The following CCDC148 variants were observed in gnomAD, a reference collection of about 807,000 sequenced individuals.
The protein encoded by CCDC148 is coiled-coil domain containing 148.
CCDC148 carries 89 observed loss-of-function variants against 85.7 expected under a neutral mutation model. The observed-to-expected ratio is 1.04, with a 90% CI of 0.87 to 1.24. The LOEUF (loss-of-function observed/expected upper bound fraction) is 1.24. Among genes scored for constraint, CCDC148 ranks in the 50% most tolerant of loss-of-function variants. The pLI is 0.00. For missense variants in CCDC148, 692 were observed against 671.7 expected (o/e 1.03, Z -0.33); for synonymous variants, 230 against 213.9 (o/e 1.08, Z -0.66).
chr2:158,431,858 A>T (rs1388234429), intron 1 of CCDC148, among the ~76,000 whole-genome samples: 4 of 152,164 alleles, frequency 2.6e-5, no homozygotes, highest in Admixed American at 2.6e-4. Context: ...GGATAGCTTG[A>T]ACCTGGGAGA....
intron 1 of CCDC148, among the ~76,000 whole-genome samples, chr2:158,410,981 T>A (rs1187354175): frequency 6.6e-6 from 1 of 151,454 alleles, no homozygotes; most frequent in Admixed American, 6.6e-5. Flanking sequence ...ATCATCTTGG[T>A]TTGCAATTTT....
At chr2:158,362,122 C>G (rs1683979080) in intron 1 of CCDC148, among the ~76,000 whole-genome samples, 2 of 151,816 alleles carry the variant, frequency 1.3e-5, no homozygotes. Flanking sequence ...ACAAGAAGAG[C>G]TAACTATCCT....
chr2:158,265,853 T>C (rs995802428), intron 9 of CCDC148, among the ~76,000 whole-genome samples: 1 of 152,132 alleles, frequency 6.6e-6, no homozygotes, highest in Non-Finnish European at 1.5e-5. Flanking sequence ...ATTAATGGCA[T>C]CACAGATCAC....
rs1415491226 is a variant in CCDC148 at position 158,315,419 on chromosome 2, C to CA, written c.765-1526dup. Among the ~76,000 whole-genome samples, 4 of 151,956 alleles carry CA rather than the reference C, an allele frequency of 2.6e-5. No homozygotes were observed. The East Asian group carries it at 7.7e-4, about 29-fold the overall frequency. On this transcript the variant is annotated intron_variant, in intron 7 of 13. Coordinates refer to ENST00000283233, the MANE Select transcript of CCDC148 (RefSeq NM_138803.4). Reference sequence around the variant, plus strand: ...GCATTACCATACCACAAGCAACAAACAAAAAAATAGAACTAAAGTACATGT... The same window carrying CA: ...GCATTACCATACCACAAGCAACAAACAAAAAAAATAGAACTAAAGTACATGT...
intron 1 of CCDC148, among the ~76,000 whole-genome samples, chr2:158,448,204 CCTT>C (rs1439483988): frequency 6.6e-6 from 1 of 151,934 alleles, no homozygotes; most frequent in Non-Finnish European, 1.5e-5. Context: ...AATTTCTGTA[CCTT>C]CTATTTCATT....
At chr2:158,219,685 T>C (rs1035615991) in intron 11 of CCDC148, among the ~76,000 whole-genome samples, 2 of 152,198 alleles carry the variant, frequency 1.3e-5, no homozygotes, top group Non-Finnish European at 2.9e-5. Context: ...CTTCCAGCTT[T>C]GGCCTGCCTG....
At chr2:158,244,017 A>C (rs1521858) in intron 10 of CCDC148, among the ~76,000 whole-genome samples, 148,480 of 152,068 alleles carry the variant, frequency 0.98, 72,582 homozygotes, top group East Asian at 1. Flanking sequence ...GATCCATCCT[A>C]ATTTTTCCAG....
intron 9 of CCDC148, among the ~76,000 whole-genome samples, chr2:158,293,610 C>A (rs1690996946): frequency 6.6e-6 from 1 of 152,096 alleles, no homozygotes; most frequent in South Asian, 2.1e-4. Context: ...ATAGACTTAG[C>A]CCTCCAGGAG....
intron 10 of CCDC148, among the ~76,000 whole-genome samples, chr2:158,221,605 T>A (rs188555622): frequency 6.6e-6 from 1 of 152,192 alleles, no homozygotes; most frequent in Admixed American, 6.5e-5. Flanking sequence ...ACCCCTAAGG[T>A]GGCATTTTCT....
intron 7 of CCDC148, among the ~76,000 whole-genome samples, chr2:158,328,233 A>G (rs1217595782): frequency 6.6e-6 from 1 of 152,036 alleles, no homozygotes; most frequent in Admixed American, 6.6e-5. Context: ...CTCATTGTTC[A>G]ATTCCCACCT....
chr2:158,395,895 G>A (rs1174315938), intron 1 of CCDC148, among the ~76,000 whole-genome samples: 3 of 152,068 alleles, frequency 2.0e-5, no homozygotes, highest in Non-Finnish European at 2.9e-5. Flanking sequence ...ACATAGTAGG[G>A]GCTTAAGAAT....
At chr2:158,422,311 C>G (rs1686836644) in intron 1 of CCDC148, among the ~76,000 whole-genome samples, 1 of 152,038 alleles carries the variant, frequency 6.6e-6, no homozygotes, top group Non-Finnish European at 1.5e-5. Flanking sequence ...ACCAATAAAC[C>G]TTTCCTTTAT....
chr2:158,259,699 C>A (rs904966724), intron 9 of CCDC148, among the ~76,000 whole-genome samples: 1 of 151,900 alleles, frequency 6.6e-6, no homozygotes, highest in Non-Finnish European at 1.5e-5. Context: ...TTGTATACCA[C>A]CTTGTCCAAA....
chr2:158,402,279 C>G (rs1234514800), intron 1 of CCDC148, among the ~76,000 whole-genome samples: 1 of 152,024 alleles, frequency 6.6e-6, no homozygotes, highest in Admixed American at 6.6e-5. Flanking sequence ...TTGTACTGTT[C>G]ACTGCATTAT....
chr2:158,280,209 C>T (rs1328566046), intron 9 of CCDC148, among the ~76,000 whole-genome samples: 7 of 152,186 alleles, frequency 4.6e-5, no homozygotes, highest in Admixed American at 3.9e-4. Flanking sequence ...TTGGAAGAAA[C>T]TGCATCAACT....
At position 158,388,361 on chromosome 2, in the gene CCDC148, G is replaced by A. The variant is rs78314847; in HGVS notation, c.26-29791C>T. ...GGAACAGTACCCATTATCCCCACCA[G>A]GGAGGAAAGGGTCACAGTACTCAAG... On this transcript the variant is annotated intron_variant, in intron 1 of 13. Transcript: ENST00000283233. Among the ~76,000 whole-genome samples, 210 of 152,310 alleles carry A rather than the reference G, an allele frequency of 1.4e-3. 2 individuals carry two copies. In the East Asian group the frequency reaches 0.037, roughly 27 times the overall value.
chr2:158,234,673 A>G (rs1688015612), intron 10 of CCDC148, among the ~76,000 whole-genome samples: 1 of 152,188 alleles, frequency 6.6e-6, no homozygotes, highest in South Asian at 2.1e-4. Flanking sequence ...TGCAAAATGC[A>G]CTATTCTGAT....
At chr2:158,188,646 GA>G (rs1254555161) in intron 11 of CCDC148, among the ~76,000 whole-genome samples, 2 of 151,936 alleles carry the variant, frequency 1.3e-5, no homozygotes, top group Admixed American at 1.3e-4. Context: ...ACTCATAGAA[GA>G]AAATCTAGGA....
chr2:158,233,135 T>G (rs1356009303), intron 10 of CCDC148, among the ~76,000 whole-genome samples: 2 of 152,116 alleles, frequency 1.3e-5, no homozygotes, highest in African/African-American at 2.4e-5. Flanking sequence ...CCCCAGAAAT[T>G]TGTACAATCA....
Sources: allele counts gnomAD v4.1 joint callset (sites outside exome capture counted in the v4.1 genomes callset), GRCh38; gene constraint gnomAD v4.1.1; transcripts MANE v1.5; gene names NCBI Gene and HGNC (gene_info 2026-07-23, HGNC 2026-07-21).